DLG2: variants seen among roughly 807,000 people sequenced by gnomAD.
DLG2 encodes disks large homolog 2.
DLG2 carries 45 observed loss-of-function variants against 132.5 expected under a neutral mutation model. That is an observed-to-expected ratio of 0.34 (90% confidence interval 0.27 to 0.44). DLG2 has a LOEUF of 0.44. Among genes scored for constraint, DLG2 ranks in the 20% least tolerant of loss-of-function variants. The pLI is 1.00. For missense variants in DLG2, 1,045 were observed against 1,196.9 expected (o/e 0.87, Z 1.87); for synonymous variants, 424 against 419.6 (o/e 1.01, Z -0.13).
At chr11:85,284,105 C>T (rs544952280) in intron 4 of DLG2, among the ~76,000 whole-genome samples, 4 of 151,700 alleles carry the variant, frequency 2.6e-5, no homozygotes, top group Non-Finnish European at 4.4e-5. Flanking sequence ...ACATAAAATG[C>T]CCTATATGCT....
chr11:84,269,917 G>A (rs1482744664), intron 7 of DLG2, among the ~76,000 whole-genome samples: 1 of 152,194 alleles, frequency 6.6e-6, no homozygotes, highest in Non-Finnish European at 1.5e-5. Context: ...ACAAAGTGAT[G>A]ATGTCACAAA....
At chr11:85,379,636 T>C (rs766713172) in intron 3 of DLG2, among the ~76,000 whole-genome samples, 4 of 152,204 alleles carry the variant, frequency 2.6e-5, no homozygotes, top group Non-Finnish European at 4.4e-5. Context: ...AGTCAACTAT[T>C]ATAATCAGGC....
In DLG2 at chr11:84,008,261, C is replaced by T. The variant is rs1351727; in HGVS notation, c.920-27619G>A. Reference sequence around the variant, plus strand: ...CTTGTATCATCTTCTTAGTGAACTCCCTCCAGTTACTCTACCTTATGCTTA... The same window carrying T: ...CTTGTATCATCTTCTTAGTGAACTCTCTCCAGTTACTCTACCTTATGCTTA... On this transcript the variant is annotated intron_variant, in intron 11 of 27. Transcript: ENST00000376104. Among the ~76,000 whole-genome samples the T allele has an allele frequency of 2.0e-3, 310 of 151,912 alleles. 3 individuals are homozygous for T. The highest frequency in any genetic ancestry group is 7.2e-3 in the South Asian group (35 of 4,828).
intron 19 of DLG2, among the ~76,000 whole-genome samples, chr11:83,595,291 A>G (rs1416860638): frequency 6.6e-6 from 1 of 152,220 alleles, no homozygotes; most frequent in African/African-American, 2.4e-5. Flanking sequence ...TAATGTATTA[A>G]GTCTTTTCTC....
At chr11:84,781,744 G>A (rs2071816078) in intron 6 of DLG2, among the ~76,000 whole-genome samples, 1 of 152,084 alleles carries the variant, frequency 6.6e-6, no homozygotes, top group African/African-American at 2.4e-5. Context: ...GTGGACCAGA[G>A]ATGTCACCCC....
chr11:84,018,146 A>T (rs1251433407), intron 11 of DLG2, among the ~76,000 whole-genome samples: 3 of 151,800 alleles, frequency 2.0e-5, no homozygotes, highest in African/African-American at 7.3e-5. Flanking sequence ...TCTGGTCATT[A>T]TCTCTTCCCT....
chr11:84,234,682 C>T (rs2097136372), intron 8 of DLG2, among the ~76,000 whole-genome samples: 1 of 152,160 alleles, frequency 6.6e-6, no homozygotes, highest in Admixed American at 6.5e-5. Context: ...CCTCCTCCTC[C>T]CGTTGGAATT....
At chr11:83,826,371 A>G (rs115884161) in intron 17 of DLG2, among the ~76,000 whole-genome samples, 1 of 152,092 alleles carries the variant, frequency 6.6e-6, no homozygotes, top group Non-Finnish European at 1.5e-5. Context: ...TTTTCATTTG[A>G]GGTGGTCTTG....
intron 16 of DLG2, among the ~76,000 whole-genome samples, chr11:83,856,896 G>T (rs934533285): frequency 5.3e-5 from 8 of 152,144 alleles, no homozygotes; most frequent in East Asian, 1.9e-4. Context: ...TGAAATCTTT[G>T]CCTGTGCCTA....
intron 7 of DLG2, among the ~76,000 whole-genome samples, chr11:84,429,613 C>T (rs1014164243): frequency 2.6e-5 from 4 of 152,020 alleles, no homozygotes; most frequent in Non-Finnish European, 4.4e-5. Context: ...ATAAGACTAC[C>T]TCAGATATAA....
chr11:84,426,997 T>C (rs1057323338), intron 7 of DLG2, among the ~76,000 whole-genome samples: 1 of 152,100 alleles, frequency 6.6e-6, no homozygotes, highest in African/African-American at 2.4e-5. Context: ...CAATTCCAAC[T>C]AGTTAAAGAA....
intron 18 of DLG2, among the ~76,000 whole-genome samples, chr11:83,718,416 C>G (rs566608756): frequency 6.6e-6 from 1 of 150,808 alleles, no homozygotes; most frequent in Middle Eastern, 3.4e-3. Context: ...TCCAGCTACT[C>G]AGGAGGTTGA....
rs2082087870 is a variant in DLG2, at chr11:85,627,325, A to G, written c.-367T>C. On this transcript the variant is annotated 5_prime_UTR_variant, in exon 1 of 28. It removes an upstream start codon present in the reference 5' UTR. Transcript: ENST00000376104. ...ATGCCCCTCTGATTCTGATCCTCCCATGTATTAACCGAGAGGATTGAAAAA... is the reference window on the plus strand; with the variant it reads ...ATGCCCCTCTGATTCTGATCCTCCCGTGTATTAACCGAGAGGATTGAAAAA... 6.6e-6 allele frequency: 1 copy of G among 151,842 alleles called. No individual in the cohort carries two copies. Among genetic ancestry groups the G allele is most frequent in the African/African-American group, 2.4e-5 (1 of 41,280 alleles). The allele number at this position is 151,842 out of a possible 1,614,324, so 9.4% of individuals were successfully genotyped here. A position where few individuals can be genotyped will look rare whatever the true frequency, so the allele number is the denominator to read the frequency against.
intron 6 of DLG2, among the ~76,000 whole-genome samples, chr11:84,765,451 G>A (rs1034492092): frequency 4.0e-4 from 61 of 151,938 alleles, no homozygotes; most frequent in African/African-American, 1.4e-3. Context: ...ACAAGAATAC[G>A]GTCTCCCCTC....
intron 18 of DLG2, among the ~76,000 whole-genome samples, chr11:83,767,707 T>C (rs1434403294): frequency 6.6e-6 from 1 of 152,226 alleles, no homozygotes; most frequent in Non-Finnish European, 1.5e-5. Flanking sequence ...ATACATGGAA[T>C]ACATAGAACC....
intron 7 of DLG2, among the ~76,000 whole-genome samples, chr11:84,497,624 T>C (rs923771261): frequency 3.1e-4 from 47 of 152,192 alleles, no homozygotes; most frequent in African/African-American, 1.1e-3. Flanking sequence ...ATTTGTCCTC[T>C]GCATGGCTCA....
At chr11:85,427,056 G>A (rs1424140764) in intron 3 of DLG2, among the ~76,000 whole-genome samples, 1 of 152,172 alleles carries the variant, frequency 6.6e-6, no homozygotes, top group Non-Finnish European at 1.5e-5. Flanking sequence ...ATGAAATGAA[G>A]TGAGAAGGGA....
At chr11:84,166,927 C>T (rs900072350) in intron 8 of DLG2, 7 of 533,000 alleles carry the variant, frequency 1.3e-5, no homozygotes, top group Admixed American at 1.2e-4. Flanking sequence ...TTTTCTTGTA[C>T]AGTAACACTT....
chr11:84,650,248 A>G (rs150912547), intron 6 of DLG2, among the ~76,000 whole-genome samples: 1,766 of 152,174 alleles, frequency 0.012, 25 homozygotes, highest in Non-Finnish European at 0.016. Context: ...TTCTCCCACT[A>G]CAATTGAACT....
Sources: allele counts gnomAD v4.1 joint callset (sites outside exome capture counted in the v4.1 genomes callset), GRCh38; gene constraint gnomAD v4.1.1; transcripts MANE v1.5; gene names NCBI Gene and HGNC (gene_info 2026-07-23, HGNC 2026-07-21).